TNS1: variants seen among roughly 807,000 people sequenced by gnomAD.
TNS1 encodes tensin-1.
A neutral mutation model predicts 168.6 loss-of-function variants in TNS1; 62 were observed. The ratio of observed to expected loss-of-function variants is 0.37; its 90% CI spans 0.30 to 0.45. The LOEUF is 0.45. Among genes scored for constraint, TNS1 ranks in the 20% least tolerant of loss-of-function variants. TNS1 has a pLI of 1.00. For synonymous variants in TNS1, 934 were observed against 933.2 expected (o/e 1.00, Z -0.02); for missense variants, 2,240 against 2,339.4 (o/e 0.96, Z 0.88).
At chr2:217,843,741 TCTC>T (rs1484119618) in intron 19 of TNS1, among the ~76,000 whole-genome samples, 4 of 152,122 alleles carry the variant, frequency 2.6e-5, no homozygotes, top group Non-Finnish European at 4.4e-5. Context: ...GCTGTCCTGG[TCTC>T]CTGCCACCAC....
chr2:217,935,615 G>A (rs1204987806), intron 3 of TNS1, among the ~76,000 whole-genome samples: 1 of 152,208 alleles, frequency 6.6e-6, no homozygotes, highest in African/African-American at 2.4e-5. Context: ...AGCCTCCAGA[G>A]GAGCCTCATC....
In TNS1 at chr2:217,844,972, T is replaced by C. The variant is rs552106874; in HGVS notation, c.3007+2538A>G. 2.0e-5 allele frequency among the ~76,000 whole-genome samples: 3 copies of C among 152,328 alleles called. No individual in the cohort carries two copies. In the South Asian group the frequency reaches 6.2e-4, roughly 32 times the overall value. On this transcript the variant is annotated intron_variant, in intron 19 of 32. Transcript: ENST00000682258. ...CAAGTGGTGATAACAGACATCCTTA[T>C]TTTGTCCCTGGCTCTAATAGGAACG...
chr2:217,808,091 C>T lies in TNS1; in HGVS notation c.5359G>A (p.Gly1787Ser), dbSNP rs750134452. Residue 1787 changes from glycine to serine, a missense_variant, in exon 32 of 33, where the codon GGT becomes AGT. Physicochemically the swap from Gly to Ser is moderately conservative, Grantham distance 56. Around this residue, in one of 2 missense-constraint regions of TNS1, gnomAD observed 109 missense variants for 168.1 expected, o/e 0.65. Coordinates refer to ENST00000682258, the MANE Select transcript of TNS1 (RefSeq NM_001387777.1). ...PQERKWMKTE[G>S]GAPAKLFGFV... ...CACACTTACTTAGCAGGGGCACCAC[C>T]CTCTGTTTTCATCCACCTGTGGAGA... 4.4e-5 allele frequency: 71 copies of T among 1,613,036 alleles called. No individual in the cohort carries two copies. The highest frequency in any genetic ancestry group is 5.8e-5 in the Non-Finnish European group (69 of 1,179,990).
chr2:217,897,354 C>T (rs897818050), intron 8 of TNS1, among the ~76,000 whole-genome samples: 4 of 152,200 alleles, frequency 2.6e-5, no homozygotes, highest in African/African-American at 4.8e-5. Context: ...TCAGAGGCAC[C>T]GACCCTGTGC....
In TNS1 at chr2:217,804,415, C is replaced by CA; in HGVS notation, c.*43dup. The CA allele has an allele frequency of 6.2e-7, 1 of 1,611,420 alleles. No homozygotes were observed. The highest frequency in any genetic ancestry group is 8.5e-7 in the Non-Finnish European group (1 of 1,178,512). On this transcript the variant is annotated 3_prime_UTR_variant, in exon 33 of 33. Transcript: ENST00000682258. ...TCAGGATTCATGGGTCCCCTCCCCA[C>CA]AAGCCCCTTCCCCATGGCACTGGCC...
chr2:217,820,332 C>T (rs1200206835), intron 23 of TNS1, among the ~76,000 whole-genome samples: 3 of 152,206 alleles, frequency 2.0e-5, no homozygotes, highest in Non-Finnish European at 4.4e-5. Context: ...ATCCCCTTTC[C>T]TTTAAAATAG....
chr2:217,954,898 C>T (rs1364385126), intron 3 of TNS1, among the ~76,000 whole-genome samples: 1 of 152,248 alleles, frequency 6.6e-6, no homozygotes, highest in Non-Finnish European at 1.5e-5. Context: ...TGCCCCCACA[C>T]AGGCACATCG....
chr2:217,975,752 A>G (rs1957878389), intron 3 of TNS1, among the ~76,000 whole-genome samples: 1 of 152,202 alleles, frequency 6.6e-6, no homozygotes, highest in Non-Finnish European at 1.5e-5. Flanking sequence ...CCGATGGCTC[A>G]GCGAGGCTCC....
At chr2:217,805,884 C>CCACACACACACACACACA (rs57846949) in intron 32 of TNS1, among the ~76,000 whole-genome samples, 34 of 147,166 alleles carry the variant, frequency 2.3e-4, no homozygotes, top group African/African-American at 4.8e-4. Flanking sequence ...TATACACACA[C>CCACACACACACACACACA]CACACACACA....
At chr2:217,990,539 G>A (rs556248656) in intron 2 of TNS1, among the ~76,000 whole-genome samples, 30 of 140,702 alleles carry the variant, frequency 2.1e-4, no homozygotes, top group African/African-American at 4.8e-4. Flanking sequence ...GCCACACATC[G>A]TCAACATGCA....
At chr2:218,003,296 C>A (rs1958604231), upstream of TNS1, among the ~76,000 whole-genome samples, 1 of 151,864 alleles carries the variant, frequency 6.6e-6, no homozygotes, top group Non-Finnish European at 1.5e-5. Context: ...CTCCTCACTG[C>A]AGACCCCCGC....
At chr2:217,916,410 A>G (rs1955012072) in intron 4 of TNS1, among the ~76,000 whole-genome samples, 1 of 152,014 alleles carries the variant, frequency 6.6e-6, no homozygotes. Context: ...TTCCACCCCC[A>G]GTGCAGCTCT....
At chr2:217,809,504 C>G (rs62183752) in intron 30 of TNS1, among the ~76,000 whole-genome samples, 953 of 2,818 alleles carry the variant, frequency 0.34, 40 homozygotes, top group Non-Finnish European at 0.36. Context: ...TGGATGGATG[C>G]ATGGATGGAT....
intron 1 of TNS1, among the ~76,000 whole-genome samples, chr2:218,029,329 G>T (rs1204922111): frequency 6.6e-6 from 1 of 152,246 alleles, no homozygotes; most frequent in Non-Finnish European, 1.5e-5. Flanking sequence ...AGGTGCTGAA[G>T]TTCTCCCTTC....
rs750987521 is a variant in TNS1 at position 217,803,386 on chromosome 2, A to G, written c.*1073T>C. 10 of 152,454 alleles carry G rather than the reference A, an allele frequency of 6.6e-5. No homozygotes were observed. Among genetic ancestry groups the G allele is most frequent in the Admixed American group, 1.3e-4 (2 of 15,310 alleles). 9.4% of individuals were successfully genotyped at this position (152,454 alleles called of 1,614,324 possible). The stretch of plus-strand genomic sequence containing the variant: ...GGCTGGTCCAGGGGCATGAAACCCA[A>G]TAACAAGGCTGAGAGGTGGGAGCTA... On this transcript the variant is annotated 3_prime_UTR_variant, in exon 33 of 33. Coordinates refer to ENST00000682258, the MANE Select transcript of TNS1 (RefSeq NM_001387777.1).
intron 1 of TNS1, among the ~76,000 whole-genome samples, chr2:217,997,581 G>C (rs1958493721): frequency 6.6e-6 from 1 of 152,196 alleles, no homozygotes; most frequent in East Asian, 1.9e-4. Context: ...AGTGTCCCCT[G>C]CTTTTCCCAG....
chr2:217,898,215 CTG>C (rs1161945586), intron 7 of TNS1, among the ~76,000 whole-genome samples: 3 of 152,254 alleles, frequency 2.0e-5, no homozygotes, highest in Non-Finnish European at 2.9e-5. Flanking sequence ...CAGAACCAAA[CTG>C]TGATGACACC....
At chr2:218,019,281 C>T (rs1163422675) in intron 1 of TNS1, among the ~76,000 whole-genome samples, 2 of 152,124 alleles carry the variant, frequency 1.3e-5, no homozygotes, top group African/African-American at 4.8e-5. Flanking sequence ...GAGAAAAGTT[C>T]ATGCTAAAGG....
chr2:217,926,942 G>A (rs1373568386), intron 3 of TNS1, among the ~76,000 whole-genome samples: 2 of 152,230 alleles, frequency 1.3e-5, no homozygotes, highest in African/African-American at 2.4e-5. Flanking sequence ...TGTGGCAGAG[G>A]TGCCAGGGCT....
Sources: allele counts gnomAD v4.1 joint callset (sites outside exome capture counted in the v4.1 genomes callset), GRCh38; gene constraint gnomAD v4.1.1; regional missense constraint gnomAD v4.1.1; transcripts MANE v1.5; gene names NCBI Gene and HGNC (gene_info 2026-07-23, HGNC 2026-07-21).